PON3: variants seen among roughly 807,000 people sequenced by gnomAD.
The protein encoded by PON3 is serum paraoxonase/lactonase 3.
Under a neutral mutation model 36.3 loss-of-function variants are expected in PON3, and 37 were observed. The observed-to-expected ratio is 1.02, with a 90% CI of 0.78 to 1.34. The LOEUF is 1.34. Ranked by LOEUF, PON3 falls within the 40% of genes most tolerant of loss-of-function variation. The pLI, the probability that PON3 is intolerant of heterozygous loss-of-function variation, is 0.00. For missense variants in PON3, 415 were observed against 426.5 expected (o/e 0.97, Z 0.24); for synonymous variants, 155 against 154.8 (o/e 1.00, Z -0.01).
Position 95,377,918 on chromosome 7 carries a change from G to A in PON3, c.202-5580C>T, listed in dbSNP as rs371163661. ...GGATGAAGAATGAGTTTGACAAGTTGACAGAAGTAGGCTTCAGAGGGTCAG... is the reference window on the plus strand; with the variant it reads ...GGATGAAGAATGAGTTTGACAAGTTAACAGAAGTAGGCTTCAGAGGGTCAG... On this transcript the variant is annotated intron_variant, in intron 3 of 8. Transcript: ENST00000265627. Among the ~76,000 whole-genome samples the A allele has an allele frequency of 1.8e-3, 270 of 152,308 alleles. 2 individuals are homozygous for A. Among genetic ancestry groups the A allele is most frequent in the Middle Eastern group, 6.8e-3 (2 of 294 alleles).
chr7:95,386,762 C>A (rs1031453193), intron 3 of PON3, among the ~76,000 whole-genome samples: 4 of 152,152 alleles, frequency 2.6e-5, no homozygotes, highest in Non-Finnish European at 4.4e-5. Flanking sequence ...CCGAATCCAG[C>A]AACACATCAA....
At chr7:95,385,739 A>C (rs1212031140) in intron 3 of PON3, among the ~76,000 whole-genome samples, 1 of 152,230 alleles carries the variant, frequency 6.6e-6, no homozygotes, top group African/African-American at 2.4e-5. Flanking sequence ...GTGCAATCAA[A>C]TTAGAACACC....
chr7:95,392,491 T>C (rs740264), intron 2 of PON3, among the ~76,000 whole-genome samples: 6 of 152,074 alleles, frequency 3.9e-5, no homozygotes, highest in African/African-American at 1.2e-4. Flanking sequence ...GTTATTTGTA[T>C]AGTGAATATG....
At chr7:95,368,452 C>T (rs1485465954) in intron 4 of PON3, among the ~76,000 whole-genome samples, 2 of 152,216 alleles carry the variant, frequency 1.3e-5, no homozygotes, top group Non-Finnish European at 2.9e-5. Context: ...TTCCAAGGCT[C>T]AGGGCGTGGC....
chr7:95,365,111 TG>T (rs1472778963), intron 5 of PON3: 1 of 152,220 alleles, frequency 6.6e-6, no homozygotes, highest in Non-Finnish European at 1.5e-5. Context: ...TAGGTTAAAC[TG>T]CCTCACAATT....
intron 3 of PON3, among the ~76,000 whole-genome samples, chr7:95,382,483 A>C (rs1364211772): frequency 6.6e-6 from 1 of 152,214 alleles, no homozygotes; most frequent in Non-Finnish European, 1.5e-5. Flanking sequence ...AAAAGAGAGA[A>C]GAATCAAATA....
At position 95,372,034 on chromosome 7, in the gene PON3, T is replaced by C. The variant is rs917496027; in HGVS notation, c.367+139A>G. 1.4e-5 allele frequency: 15 copies of C among 1,070,052 alleles called. No homozygotes were observed. In the African/African-American group the frequency reaches 1.8e-4, roughly 13 times the overall value. 66.3% of individuals were successfully genotyped at this position (1,070,052 alleles called of 1,614,324 possible). On this transcript the variant is annotated intron_variant, in intron 4 of 8. Coordinates refer to ENST00000265627, the MANE Select transcript of PON3 (RefSeq NM_000940.3). The stretch of plus-strand genomic sequence containing the variant: ...TGCAATGTTTACAAGGTTTTATACC[T>C]ATTTATCATTTAAAAAAAACACATC...
intron 3 of PON3, among the ~76,000 whole-genome samples, chr7:95,380,338 C>G (rs534262950): frequency 2.0e-5 from 3 of 152,158 alleles, no homozygotes; most frequent in Non-Finnish European, 2.9e-5. Context: ...AGCAATGGAA[C>G]AAAGCTGGAT....
At chr7:95,396,123 A>T in intron 1 of PON3, 154 bp downstream of exon 1, 1 of 793,078 alleles carries the variant, frequency 1.3e-6, no homozygotes, top group Non-Finnish European at 2.2e-6. Context: ...CCCATAAGCG[A>T]GTCTCAAGGG....
intron 1 of PON3, 49 bp from the exon 2 acceptor site, chr7:95,394,763 A>G (rs1185424210): frequency 6.9e-7 from 1 of 1,456,018 alleles, no homozygotes; most frequent in Non-Finnish European, 9.6e-7. Context: ...AGCATTCAAA[A>G]TGTATGTTTA....
intron 3 of PON3, among the ~76,000 whole-genome samples, chr7:95,378,687 T>C (rs1808974965): frequency 6.6e-6 from 1 of 152,162 alleles, no homozygotes; most frequent in Non-Finnish European, 1.5e-5. Context: ...TAAAATCCTT[T>C]ACAGACAACA....
chr7:95,391,685 T>C (rs2116424626), intron 2 of PON3, among the ~76,000 whole-genome samples: 1 of 152,318 alleles, frequency 6.6e-6, no homozygotes, highest in East Asian at 1.9e-4. Context: ...CCTAAAATCC[T>C]TCAGCAGCTT....
At chr7:95,389,021 T>G (rs906936288) in intron 3 of PON3, among the ~76,000 whole-genome samples, 1 of 152,100 alleles carries the variant, frequency 6.6e-6, no homozygotes, top group Non-Finnish European at 1.5e-5. Flanking sequence ...GAAACCAGCA[T>G]GGCACATGTA....
chr7:95,368,825 A>AAG (rs1035125193), intron 4 of PON3, among the ~76,000 whole-genome samples: 5 of 150,862 alleles, frequency 3.3e-5, no homozygotes, highest in African/African-American at 1.2e-4. Flanking sequence ...AAAAAAAAAA[A>AAG]AAAGAAAGAA....
chr7:95,362,666 G>A, intron 7 of PON3, 94 bp downstream of exon 7: 1 of 1,380,654 alleles, frequency 7.2e-7, no homozygotes, highest in East Asian at 2.3e-5. Context: ...CTCTCAAATA[G>A]CCATGTTTTC....
chr7:95,391,995 G>C (rs998919560), intron 2 of PON3, among the ~76,000 whole-genome samples: 1 of 152,126 alleles, frequency 6.6e-6, no homozygotes, highest in African/African-American at 2.4e-5. Flanking sequence ...CCCTAGTTCC[G>C]GACCATTGGG....
chr7:95,393,454 G>A (rs1809363431), intron 2 of PON3, among the ~76,000 whole-genome samples: 2 of 152,182 alleles, frequency 1.3e-5, no homozygotes, highest in Non-Finnish European at 2.9e-5. Context: ...AGGTGAGAAG[G>A]TGAAAGAACA....
At chr7:95,386,712 C>T (rs1005575625) in intron 3 of PON3, among the ~76,000 whole-genome samples, 3 of 152,170 alleles carry the variant, frequency 2.0e-5, no homozygotes, top group Non-Finnish European at 4.4e-5. Context: ...CCCTGATGAA[C>T]ATTGATGCGA....
intron 3 of PON3, among the ~76,000 whole-genome samples, chr7:95,376,905 G>A (rs932505695): frequency 2.6e-5 from 4 of 152,198 alleles, no homozygotes; most frequent in Admixed American, 6.5e-5. Flanking sequence ...TTGGACAGTG[G>A]GTGCAGCCCA....
Sources: allele counts gnomAD v4.1 joint callset (sites outside exome capture counted in the v4.1 genomes callset), GRCh38; gene constraint gnomAD v4.1.1; transcripts MANE v1.5; gene names NCBI Gene and HGNC (gene_info 2026-07-23, HGNC 2026-07-21).